The following FOXN3 variants were observed in gnomAD, a reference collection of about 807,000 sequenced individuals.
FOXN3 encodes the protein forkhead box N3, also known as forkhead box protein N3.
Under a neutral mutation model 38.4 loss-of-function variants are expected in FOXN3, and 7 were observed. The ratio of observed to expected loss-of-function variants is 0.18; its 90% CI spans 0.10 to 0.34. FOXN3 has a LOEUF of 0.34. Ranked by LOEUF, FOXN3 falls within the 10% of genes least tolerant of loss-of-function variation. FOXN3 has a pLI of 1.00. For synonymous variants in FOXN3, 230 were observed against 242.2 expected (o/e 0.95, Z 0.47); for missense variants, 456 against 613.4 (o/e 0.74, Z 2.71).
chr14:89,227,779 G>A (rs891672635), intron 4 of FOXN3, among the ~76,000 whole-genome samples: 2 of 152,216 alleles, frequency 1.3e-5, no homozygotes, highest in Admixed American at 1.3e-4. Context: ...GGCCTTGAAG[G>A]AATCGGAGGG....
At chr14:89,511,121 T>G in intron 1 of FOXN3, among the ~76,000 whole-genome samples, 1 of 48,990 alleles carries the variant, frequency 2.0e-5, no homozygotes. Flanking sequence ...ACCTGCTTGG[T>G]GTCTTTCTTT....
chr14:89,428,208 C>T (rs891913932), intron 1 of FOXN3, among the ~76,000 whole-genome samples: 1 of 152,150 alleles, frequency 6.6e-6, no homozygotes, highest in African/African-American at 2.4e-5. Flanking sequence ...AACATATTTC[C>T]CTGCAGCACA....
intron 4 of FOXN3, among the ~76,000 whole-genome samples, chr14:89,265,106 T>C (rs1352292492): frequency 6.6e-6 from 1 of 152,194 alleles, no homozygotes; most frequent in Non-Finnish European, 1.5e-5. Context: ...CATGATCTTA[T>C]TTAGAAATTG....
At chr14:89,408,935 A>G (rs4904569) in intron 2 of FOXN3, among the ~76,000 whole-genome samples, 85,354 of 151,912 alleles carry the variant, frequency 0.56, 24,970 homozygotes, top group East Asian at 0.76. Context: ...CACTGGGCAG[A>G]GTATCAGGGA....
chr14:89,520,809 A>C, intron 1 of FOXN3, among the ~76,000 whole-genome samples: 1 of 152,228 alleles, frequency 6.6e-6, no homozygotes, highest in East Asian at 1.9e-4. Context: ...AAAAGCCAAC[A>C]GCAATCAGAA....
chr14:89,235,616 A>C (rs1021058294), intron 4 of FOXN3, among the ~76,000 whole-genome samples: 1 of 152,044 alleles, frequency 6.6e-6, no homozygotes, highest in Non-Finnish European at 1.5e-5. Context: ...GGCACAGGGG[A>C]ATTAAGGTTG....
At chr14:89,314,439 C>T (rs968833543) in intron 3 of FOXN3, among the ~76,000 whole-genome samples, 2 of 151,664 alleles carry the variant, frequency 1.3e-5, no homozygotes, top group Non-Finnish European at 2.9e-5. Context: ...GTTTTGTCAG[C>T]TTCATTTCTT....
chr14:89,493,879 T>A (rs940603405), intron 1 of FOXN3: 2 of 151,986 alleles, frequency 1.3e-5, no homozygotes, highest in African/African-American at 4.8e-5. Flanking sequence ...AAAAATAGCT[T>A]CATTAACAAT....
Position 89,412,330 on chromosome 14 carries a change from T to C in FOXN3, c.147A>G (p.Arg49=). Reference sequence around the variant, plus strand: ...CATCTTCCATGGCCCCCTCTTCTAATCGGATGTCAGGCAGAGAAAAGTCGA... The same window carrying C: ...CATCTTCCATGGCCCCCTCTTCTAACCGGATGTCAGGCAGAGAAAAGTCGA... The part of the protein sequence containing the change: ...DDLDFSLPDI[R]LEEGAMEDEE... The change falls in exon 2 of 6, where the codon CGA becomes CGG. Residue 49 remains arginine (R), a synonymous_variant. Coordinates refer to ENST00000557258, the MANE Select transcript of FOXN3 (RefSeq NM_005197.4). The surrounding 1 kb of genome is among the most constrained non-coding windows in gnomAD (Gnocchi z 4.7). 1 of 1,614,118 alleles carries C rather than the reference T, an allele frequency of 6.2e-7. No individual in the cohort carries two copies. The highest frequency in any genetic ancestry group is 1.1e-5 in the South Asian group (1 of 91,086).
chr14:89,519,951 C>G (rs1257905657), intron 1 of FOXN3, among the ~76,000 whole-genome samples: 1 of 151,944 alleles, frequency 6.6e-6, no homozygotes, highest in African/African-American at 2.4e-5. Context: ...AAAGAATCTA[C>G]CTTTGAAAGA....
At chr14:89,432,615 T>TC (rs1257260085) in intron 1 of FOXN3, among the ~76,000 whole-genome samples, 2 of 151,850 alleles carry the variant, frequency 1.3e-5, no homozygotes, top group African/African-American at 2.4e-5. Flanking sequence ...AACTTAAAGA[T>TC]CCCCATGTCC....
At chr14:89,247,985 G>C (rs1262540783) in intron 4 of FOXN3, among the ~76,000 whole-genome samples, 4 of 152,078 alleles carry the variant, frequency 2.6e-5, no homozygotes, top group Non-Finnish European at 4.4e-5. Flanking sequence ...TCTCCTCCAT[G>C]GTGGCACAAT....
chr14:89,492,679 T>C (rs983250349), intron 1 of FOXN3, among the ~76,000 whole-genome samples: 2 of 152,244 alleles, frequency 1.3e-5, no homozygotes, highest in Non-Finnish European at 2.9e-5. Context: ...ACCGCTGCAC[T>C]CTGGCCTGGG....
intron 4 of FOXN3, among the ~76,000 whole-genome samples, chr14:89,196,997 A>T (rs961178334): frequency 2.0e-5 from 3 of 152,210 alleles, no homozygotes; most frequent in African/African-American, 7.2e-5. Context: ...CTATAGAGAA[A>T]GCCTAAGAAT....
chr14:89,251,315 G>A (rs1885447666), intron 4 of FOXN3, among the ~76,000 whole-genome samples: 1 of 152,162 alleles, frequency 6.6e-6, no homozygotes, highest in Admixed American at 6.5e-5. Context: ...CTCACAGACT[G>A]CCCCTTCTGC....
chr14:89,271,942 A>T (rs1477804070), intron 4 of FOXN3, among the ~76,000 whole-genome samples: 1 of 152,260 alleles, frequency 6.6e-6, no homozygotes, highest in African/African-American at 2.4e-5. Context: ...TTCGAGCAGA[A>T]CAATTGCTTC....
intron 1 of FOXN3, among the ~76,000 whole-genome samples, chr14:89,543,055 C>T (rs1270868718): frequency 1.3e-5 from 2 of 151,478 alleles, no homozygotes; most frequent in Admixed American, 1.3e-4. Context: ...CACTCTTTGA[C>T]TGAAGTGTAA....
chr14:89,586,906 C>CT (rs1895853394), intron 1 of FOXN3, among the ~76,000 whole-genome samples: 1 of 152,240 alleles, frequency 6.6e-6, no homozygotes. Flanking sequence ...AGCAAATCAA[C>CT]TGTTGTCCTT....
chr14:89,322,502 A>T (rs961237278), intron 3 of FOXN3, among the ~76,000 whole-genome samples: 10 of 152,170 alleles, frequency 6.6e-5, no homozygotes, highest in African/African-American at 2.4e-4. Flanking sequence ...CTTGGGCCAC[A>T]CAAGGACATA....
Sources: allele counts gnomAD v4.1 joint callset (sites outside exome capture counted in the v4.1 genomes callset), GRCh38; gene constraint gnomAD v4.1.1; non-coding constraint Gnocchi (gnomAD v3.1); transcripts MANE v1.5; gene names NCBI Gene and HGNC (gene_info 2026-07-23, HGNC 2026-07-21).